The following MEF2C variants were observed in gnomAD, a reference collection of about 807,000 sequenced individuals.
MEF2C encodes the protein myocyte-specific enhancer factor 2C.
In MEF2C, 6 loss-of-function variants were observed where a neutral mutation model predicts 50.5. That is an observed-to-expected ratio of 0.12 (90% CI 0.07 to 0.23). The LOEUF (loss-of-function observed/expected upper bound fraction) is 0.23. Ranked by LOEUF, MEF2C falls within the 10% of genes least tolerant of loss-of-function variation. The probability of loss-of-function intolerance (pLI) is 1.00; values close to 1 mark genes in which losing one functional copy is unlikely to be tolerated. For missense variants in MEF2C, 276 were observed against 605.0 expected (o/e 0.46, Z 5.70); for synonymous variants, 183 against 228.0 (o/e 0.80, Z 1.78).
intron 1 of MEF2C, among the ~76,000 whole-genome samples, chr5:88,898,169 C>T (rs1050019061): frequency 6.6e-6 from 1 of 151,970 alleles, no homozygotes; most frequent in African/African-American, 2.4e-5. Flanking sequence ...TCATGAGAAC[C>T]TTTCAAGATA....
At chr5:88,865,989 G>C (rs565769250) in intron 1 of MEF2C, among the ~76,000 whole-genome samples, 2 of 151,758 alleles carry the variant, frequency 1.3e-5, no homozygotes, top group Admixed American at 1.3e-4. Flanking sequence ...TCCGCCTCCT[G>C]GGTTCACGCC....
chr5:88,746,671 T>C, intron 6 of MEF2C: 1 of 985,448 alleles, frequency 1.0e-6, no homozygotes, highest in African/African-American at 1.7e-5. Context: ...TGTTTTCCTC[T>C]GGTGTTATGT....
intron 6 of MEF2C, chr5:88,734,389 A>C: frequency 1.0e-6 from 1 of 985,310 alleles, no homozygotes; most frequent in Non-Finnish European, 1.2e-6. Flanking sequence ...AAGCTTGAAT[A>C]GATCAGAAGA....
chr5:88,787,458 T>C (rs146038665), intron 3 of MEF2C, among the ~76,000 whole-genome samples: 1,524 of 152,310 alleles, frequency 0.01, 19 homozygotes, highest in South Asian at 0.041. Context: ...ATGAGGAACC[T>C]AAAGCCCAGC....
In MEF2C at chr5:88,890,825, AT is replaced by A. The variant is rs895686321; in HGVS notation, c.-239-3228del. Among the ~76,000 whole-genome samples, 94 of 152,208 alleles carry A rather than the reference AT, an allele frequency of 6.2e-4. 1 individual carries two copies. The highest frequency in any genetic ancestry group is 2.1e-3 in the African/African-American group (87 of 41,528). On this transcript the variant is annotated intron_variant, in intron 1 of 11. Transcript: ENST00000340208. ...GGGGAACACTTCACCCAGACACCTA[AT>A]TTTTTTATAGGCAAGAGAAATCAGG... is the stretch of plus-strand genomic sequence containing the variant.
At chr5:88,763,623 A>C (rs1005021887) in intron 3 of MEF2C, among the ~76,000 whole-genome samples, 1 of 151,440 alleles carries the variant, frequency 6.6e-6, no homozygotes, top group Non-Finnish European at 1.5e-5. Flanking sequence ...TTCAAAAGTT[A>C]TCTATAAGAC....
At chr5:88,872,155 C>T (rs1184825165) in intron 1 of MEF2C, among the ~76,000 whole-genome samples, 1 of 151,778 alleles carries the variant, frequency 6.6e-6, no homozygotes, top group Non-Finnish European at 1.5e-5. Context: ...TTAATGTATA[C>T]AAAAGTGGAT....
intron 4 of MEF2C, among the ~76,000 whole-genome samples, chr5:88,759,343 G>A (rs1163570982): frequency 6.6e-6 from 1 of 152,172 alleles, no homozygotes; most frequent in East Asian, 1.9e-4. Flanking sequence ...TTAGCCGGGA[G>A]TGGTGGCACA....
intron 1 of MEF2C, among the ~76,000 whole-genome samples, chr5:88,836,717 G>C (rs1815233084): frequency 6.6e-6 from 1 of 152,118 alleles, no homozygotes; most frequent in Admixed American, 6.5e-5. Context: ...TCTGTCCCAG[G>C]CTGTTTTCAA....
intron 6 of MEF2C, chr5:88,741,213 A>G: frequency 1.3e-5 from 13 of 985,444 alleles, no homozygotes; most frequent in Non-Finnish European, 1.6e-5. Flanking sequence ...CTGGAACTGC[A>G]TTAAGCTAAA....
At chr5:88,767,209 C>A (rs1034683199) in intron 3 of MEF2C, among the ~76,000 whole-genome samples, 1 of 152,142 alleles carries the variant, frequency 6.6e-6, no homozygotes, top group Non-Finnish European at 1.5e-5. Context: ...CTGTTTTGTA[C>A]GCTTATGTGT....
At chr5:88,755,365 C>A (rs1774816136) in intron 4 of MEF2C, among the ~76,000 whole-genome samples, 1 of 152,110 alleles carries the variant, frequency 6.6e-6, no homozygotes, top group Admixed American at 6.6e-5. Context: ...GTAAGTGACC[C>A]AAAGTCATCT....
rs1243887450 is a variant in MEF2C at position 88,799,868 on chromosome 5, TCTCA to T, written c.258+4726_258+4729del. Among the ~76,000 whole-genome samples the T allele has an allele frequency of 1.6e-3, 155 of 95,196 alleles. 1 individual carries two copies. The highest frequency in any genetic ancestry group is 0.014 in the East Asian group (47 of 3,340). 62.5% of individuals were successfully genotyped at this position (95,196 alleles called of 152,430 possible). A position where few individuals can be genotyped will look rare whatever the true frequency, so the allele number is the denominator to read the frequency against. ...CTTTCCTTCTCTCTCTCTCTCTCTC[TCTCA>T]CACACACACACACACACACACACAC... On this transcript the variant is annotated intron_variant, in intron 3 of 10. Coordinates refer to ENST00000504921, the MANE Select transcript of MEF2C (RefSeq NM_002397.5).
At chr5:88,902,434 ATGTT>A (rs1196543797) in intron 1 of MEF2C, among the ~76,000 whole-genome samples, 2 of 151,810 alleles carry the variant, frequency 1.3e-5, no homozygotes, top group Middle Eastern at 3.2e-3. Flanking sequence ...GTTCATTAAA[ATGTT>A]TGTGGGTAAC....
chr5:88,819,876 G>C (rs1163664779), intron 2 of MEF2C, among the ~76,000 whole-genome samples: 1 of 151,860 alleles, frequency 6.6e-6, no homozygotes, highest in Non-Finnish European at 1.5e-5. Flanking sequence ...TGGCTCACAA[G>C]GCTAAAAATA....
rs1257692124 is a variant in MEF2C, at chr5:88,722,331, G to A, written c.*273C>T. On this transcript the variant is annotated 3_prime_UTR_variant, in exon 11 of 11. Transcript: ENST00000504921. ...TCTATTGTAACATACATTTTGCAAA[G>A]GAGCACAACAGTGAAAAGAAGTTAG... is the stretch of plus-strand genomic sequence containing the variant. The A allele has an allele frequency of 2.8e-6, 1 of 356,610 alleles. No individual in the cohort carries two copies. The highest frequency in any genetic ancestry group is 5.1e-6 in the Non-Finnish European group (1 of 196,422). 22.1% of individuals were successfully genotyped at this position (356,610 alleles called of 1,614,324 possible). A position where few individuals can be genotyped will look rare whatever the true frequency, so the allele number is the denominator to read the frequency against.
intron 1 of MEF2C, among the ~76,000 whole-genome samples, chr5:88,826,433 G>A (rs934426176): frequency 3.3e-5 from 5 of 151,844 alleles, no homozygotes; most frequent in African/African-American, 1.2e-4. Context: ...AGTAATATGT[G>A]GTGATGATGA....
chr5:88,802,887 A>G (rs1798937654), intron 3 of MEF2C, among the ~76,000 whole-genome samples: 1 of 152,256 alleles, frequency 6.6e-6, no homozygotes, highest in Non-Finnish European at 1.5e-5. Flanking sequence ...TTGGCTCATT[A>G]TGGATCTACA....
chr5:88,877,058 C>T (rs747144362), intron 1 of MEF2C, among the ~76,000 whole-genome samples: 1 of 151,994 alleles, frequency 6.6e-6, no homozygotes, highest in Non-Finnish European at 1.5e-5. Flanking sequence ...TGAATCCCAA[C>T]CACTTGCAGG....
Sources: gnomAD v4.1 joint callset for allele counts (sites outside exome capture counted in the v4.1 genomes callset) on GRCh38, gnomAD v4.1.1 for gene constraint, MANE v1.5 for transcripts, NCBI Gene and HGNC (gene_info 2026-07-23, HGNC 2026-07-21) for gene names.